Variants in PRG4 observed in about 807,000 individuals in gnomAD.
PRG4 encodes articular superficial zone protein.
PRG4 carries 61 observed loss-of-function variants against 91.2 expected under a neutral mutation model. The observed-to-expected ratio is 0.67, with a 90% CI of 0.54 to 0.83. PRG4 has a LOEUF of 0.83. PRG4 is among the 40% of genes least tolerant of loss of function. PRG4 has a pLI of 0.00. For missense variants in PRG4, 1,564 were observed against 1,714.2 expected (o/e 0.91, Z 1.55); for synonymous variants, 576 against 614.2 (o/e 0.94, Z 0.92).
chr1:186,306,493 A>C lies in PRG4; in HGVS notation c.774A>C (p.Ile258=), dbSNP rs1159606209. 1 of 1,613,556 alleles carries C rather than the reference A, an allele frequency of 6.2e-7. No individual in the cohort carries two copies. The highest frequency in any genetic ancestry group is 1.1e-5 in the South Asian group (1 of 91,086). ...CCAAGATCACAACAGCAAAACCAAT[A>C]AATCCCAGACCCAGTCTTCCACCTA... ...TSPKITTAKP[I]NPRPSLPPNS... The change falls in exon 7 of 13, where the codon ATA becomes ATC. Residue 258 remains isoleucine (I), a synonymous_variant. Transcript: ENST00000445192.
rs1271513895 is a variant in PRG4, at chr1:186,308,478, CAGAA to C, written c.2763_2766del (p.Arg922ThrfsTer15). 4 of 1,613,742 alleles carry C rather than the reference CAGAA, an allele frequency of 2.5e-6. No individual in the cohort carries two copies. The African/African-American group carries it at 5.3e-5, about 22-fold the overall frequency. ...ACTACAACAGCTAAAGACAAGACAA[CAGAA>C]AGAGACTTACGTACTACACCTGAAA... On this transcript the variant is annotated frameshift_variant, in exon 7 of 13. Coordinates refer to ENST00000445192, the MANE Select transcript of PRG4 (RefSeq NM_005807.6). LOFTEE classifies it high-confidence loss of function.
chr1:186,311,343 C>T, intron 9 of PRG4, 97 bp from the exon 10 acceptor site: 1 of 1,457,806 alleles, frequency 6.9e-7, no homozygotes, highest in African/African-American at 1.4e-5. Context: ...AACCGTTTAA[C>T]CAAGTTAACA....
rs2273779 is a variant in PRG4, at chr1:186,304,862, C to T, written c.538C>T (p.Arg180Trp). Residue 180 changes from arginine (R) to tryptophan (W), a missense_variant, in exon 6 of 13, where the codon CGG (arginine) becomes TGG (tryptophan). Arg to Trp is a moderately radical substitution (Grantham distance 101, BLOSUM62 -3). Coordinates refer to ENST00000445192, the MANE Select transcript of PRG4 (RefSeq NM_005807.6). The stretch of plus-strand genomic sequence containing the variant: ...CTCTTCCTCTTCTTCTTCAACAATT[C>T]GGAAAATCAAGTCTTCCAAAAATTC... ...SSSSSSSSTI[R>W]KIKSSKNSAA... is the part of the protein sequence containing the mutation. The T allele has an allele frequency of 0.32, 519,574 of 1,612,090 alleles. 86,999 individuals are homozygous for T. Among genetic ancestry groups the T allele is most frequent in the Admixed American group, 0.41 (24,742 of 59,954 alleles).
chr1:186,303,455 T>TAAA (rs11351654), intron 4 of PRG4, among the ~76,000 whole-genome samples: 286 of 132,528 alleles, frequency 2.2e-3, no homozygotes, highest in African/African-American at 6.6e-3. Flanking sequence ...TTCTTGTTCC[T>TAAA]AAAAAAAAAA....
Position 186,306,495 on chromosome 1 carries a change from A to G in PRG4, c.776A>G (p.Asn259Ser), listed in dbSNP as rs918975167. The G allele has an allele frequency of 6.2e-7, 1 of 1,613,484 alleles. No homozygotes were observed. Among genetic ancestry groups the G allele is most frequent in the Non-Finnish European group, 8.5e-7 (1 of 1,179,668 alleles). Residue 259 changes from asparagine to serine, a missense_variant, in exon 7 of 13, where the codon AAT becomes AGT. Asn to Ser is a conservative substitution (Grantham distance 46). Transcript: ENST00000445192. The part of the protein sequence containing the change: ...SPKITTAKPI[N>S]PRPSLPPNSD... The stretch of plus-strand genomic sequence containing the variant: ...AAGATCACAACAGCAAAACCAATAA[A>G]TCCCAGACCCAGTCTTCCACCTAAT...
Position 186,314,291 on chromosome 1 carries a change from G to A in PRG4, c.*513G>A, listed in dbSNP as rs1276046426. The A allele has an allele frequency of 1.2e-5, 5 of 413,772 alleles. No individual in the cohort carries two copies. The highest frequency in any genetic ancestry group is 4.1e-5 in the East Asian group (1 of 24,668). 25.6% of individuals were successfully genotyped at this position (413,772 alleles called of 1,614,324 possible). ...TAAAACATAATCACAAAGCTTTATC[G>A]TGTTGTATAAAAAAATTAACAATAT... On this transcript the variant is annotated 3_prime_UTR_variant, in exon 13 of 13. Transcript: ENST00000445192.
rs577119475 is a variant in PRG4 at position 186,314,327 on chromosome 1, G to A, written c.*549G>A. Reference sequence around the variant, plus strand: ...AAAAATTAACAATATAATGGCAATAGGTAGAGATACAACAAATGAATATAA... The same window carrying A: ...AAAAATTAACAATATAATGGCAATAAGTAGAGATACAACAAATGAATATAA... On this transcript the variant is annotated 3_prime_UTR_variant, in exon 13 of 13. Coordinates refer to ENST00000445192, the MANE Select transcript of PRG4 (RefSeq NM_005807.6). The A allele has an allele frequency of 5.1e-6, 2 of 389,242 alleles. No homozygotes were observed. The highest frequency in any genetic ancestry group is 9.1e-6 in the Non-Finnish European group (2 of 219,244). 24.1% of individuals were successfully genotyped at this position (389,242 alleles called of 1,614,324 possible).
chr1:186,314,030 T>C lies in PRG4; in HGVS notation c.*252T>C, dbSNP rs771027201. The C allele has an allele frequency of 4.4e-6, 7 of 1,608,712 alleles. No homozygotes were observed. In the South Asian group the frequency reaches 5.5e-5, roughly 13 times the overall value. ...CCTCCCATTGCATGGCTCACACCTGTAAAAGAAAAAAGAATCAAATTGAAT... is the reference window on the plus strand; with the variant it reads ...CCTCCCATTGCATGGCTCACACCTGCAAAAGAAAAAAGAATCAAATTGAAT... On this transcript the variant is annotated 3_prime_UTR_variant, in exon 13 of 13. Coordinates refer to ENST00000445192, the MANE Select transcript of PRG4 (RefSeq NM_005807.6).
Position 186,307,872 on chromosome 1 carries a change from A to G in PRG4, c.2153A>G (p.Lys718Arg). Residue 718 changes from lysine to arginine, a missense_variant, in exon 7 of 13, where the codon AAG (lysine) becomes AGG (arginine). This residue lies in a region of PRG4 where 1,079 missense variants were observed against 1,162.2 expected (regional missense o/e 0.93). Transcript: ENST00000445192. The stretch of plus-strand genomic sequence containing the variant: ...AAAGGGACTGCTCCAACTACCCTCA[A>G]GGAACCTGCACCCACTACTCCCAAG... The part of the protein sequence containing the change: ...TPKGTAPTTL[K>R]EPAPTTPKKP... 2 of 1,592,274 alleles carry G rather than the reference A, an allele frequency of 1.3e-6. No individual in the cohort carries two copies. Among genetic ancestry groups the G allele is most frequent in the South Asian group, 2.2e-5 (2 of 90,178 alleles).
intron 3 of PRG4, among the ~76,000 whole-genome samples, chr1:186,301,173 T>C (rs529952321): frequency 6.6e-6 from 1 of 152,288 alleles, no homozygotes; most frequent in East Asian, 1.9e-4. Context: ...TACATATATA[T>C]TTATATGGAA....
rs1426590834 is a variant in PRG4 at position 186,304,765 on chromosome 1, T to C, written c.470-29T>C. The C allele has an allele frequency of 1.9e-6, 3 of 1,602,506 alleles. No homozygotes were observed. The South Asian group carries it at 3.3e-5, about 18-fold the overall frequency. On this transcript the variant is annotated intron_variant, in intron 5 of 12. Transcript: ENST00000445192. ...CTTTTTTGTTTTAAATCACAGTTGG[T>C]GTGATCAAACTTTCTATTTGATTTA...
chr1:186,304,011 A>G, intron 4 of PRG4, 97 bp from the exon 5 acceptor site: 2 of 1,350,852 alleles, frequency 1.5e-6, no homozygotes, highest in South Asian at 1.2e-5. Flanking sequence ...TGTCACCAGC[A>G]TCTACTCTTG....
rs756615311 is a variant in PRG4, at chr1:186,307,194, C to A, written c.1475C>A (p.Pro492Gln). Reference protein sequence around the residue: ...PAPTAPKKPAPTTPKEPAPTT... With the variant: ...PAPTAPKKPAQTTPKEPAPTT... ...CCCACTGCCCCCAAGAAGCCTGCCC[C>A]AACTACCCCCAAGGAGCCTGCACCC... Residue 492 changes from proline to glutamine, a missense_variant, in exon 7 of 13, where the codon CCA becomes CAA. Pro to Gln is a moderately conservative substitution (Grantham distance 76). Transcript: ENST00000445192. 2 of 1,593,944 alleles carry A rather than the reference C, an allele frequency of 1.3e-6. No homozygotes were observed. Among genetic ancestry groups the A allele is most frequent in the South Asian group, 2.2e-5 (2 of 89,642 alleles).
At chr1:186,299,046 A>G (rs567422799) in intron 2 of PRG4, among the ~76,000 whole-genome samples, 2 of 152,282 alleles carry the variant, frequency 1.3e-5, no homozygotes, top group South Asian at 2.1e-4. Context: ...AGTGTGTTTC[A>G]ACATTCCTTT....
rs68069719 is a variant in PRG4 at position 186,307,956 on chromosome 1, C to G, written c.2237C>G (p.Ser746Cys). The G allele has an allele frequency of 3.9e-5, 63 of 1,609,562 alleles. No individual in the cohort carries two copies. Among genetic ancestry groups the G allele is most frequent in the Non-Finnish European group, 5.2e-5 (61 of 1,178,842 alleles). The change falls in exon 7 of 13, where the codon TCT becomes TGT. Residue 746 changes from serine (S) to cysteine (C), a missense_variant. Around this residue, in one of 3 missense-constraint regions of PRG4, gnomAD observed 1,079 missense variants for 1,162.2 expected, o/e 0.93. Transcript: ENST00000445192. Reference sequence around the variant, plus strand: ...ACCAAGGAGCCCACATCCACCACCTCTGACAAGCCCGCTCCAACTACCCCT... The same window carrying G: ...ACCAAGGAGCCCACATCCACCACCTGTGACAAGCCCGCTCCAACTACCCCT... ...TTTKEPTSTTSDKPAPTTPKG... is the reference protein window; with the variant it reads ...TTTKEPTSTTCDKPAPTTPKG...
intron 2 of PRG4, among the ~76,000 whole-genome samples, chr1:186,298,240 A>C (rs796741019): frequency 8.5e-5 from 13 of 152,156 alleles, no homozygotes; most frequent in African/African-American, 3.1e-4. Context: ...AAAATTAGCC[A>C]GGTGTGGTAG....
At chr1:186,311,411 T>C (rs758053279) in intron 9 of PRG4, 29 bp from the exon 10 acceptor site, 2 of 1,602,644 alleles carry the variant, frequency 1.2e-6, no homozygotes, top group Admixed American at 3.3e-5. Flanking sequence ...CCAAAGCTGA[T>C]AACATAATTT....
chr1:186,306,342 C>T lies in PRG4; in HGVS notation c.623C>T (p.Thr208Ile). The T allele has an allele frequency of 6.2e-7, 1 of 1,602,524 alleles. No individual in the cohort carries two copies. The highest frequency in any genetic ancestry group is 8.5e-7 in the Non-Finnish European group (1 of 1,176,228). ...GTAAAAGATAACAAGAAGAACAGAA[C>T]TAAAAAGAAACCTACCCCCAAACCA... ...LKVKDNKKNR[T>I]KKKPTPKPPV... The change falls in exon 7 of 13, where the codon ACT (threonine) becomes ATT (isoleucine). Residue 208 changes from threonine to isoleucine, a missense_variant. Transcript: ENST00000445192.
chr1:186,300,359 C>T, intron 3 of PRG4, 146 bp downstream of exon 3: 3 of 1,071,672 alleles, frequency 2.8e-6, no homozygotes, highest in Non-Finnish European at 4.3e-6. Flanking sequence ...ACTTCCTTTG[C>T]TTAAGTGACT....
Sources: gnomAD v4.1 joint callset for allele counts (sites outside exome capture counted in the v4.1 genomes callset) on GRCh38, gnomAD v4.1.1 for gene constraint, gnomAD v4.1.1 regional missense constraint, MANE v1.5 for transcripts, NCBI Gene and HGNC (gene_info 2026-07-23, HGNC 2026-07-21) for gene names.